The following THSD4 variants were observed in gnomAD, a reference collection of about 807,000 sequenced individuals.
THSD4 encodes the protein thrombospondin type-1 domain-containing protein 4.
THSD4 carries 69 observed loss-of-function variants against 119.0 expected under a neutral mutation model. The observed-to-expected ratio is 0.58, with a 90% CI of 0.48 to 0.71. The LOEUF is 0.71. THSD4 is among the 30% of genes least tolerant of loss of function. THSD4 has a pLI of 0.00. For synonymous variants in THSD4, 524 were observed against 540.4 expected, an observed-to-expected ratio of 0.97 and a Z score of 0.42; for missense variants, 1,393 against 1,391.1, an observed-to-expected ratio of 1.00 and a Z score of -0.02.
intron 8 of THSD4, among the ~76,000 whole-genome samples, chr15:71,727,587 TACACACACACAC>T (rs367823728): frequency 7.5e-4 from 7 of 9,276 alleles, no homozygotes; most frequent in Admixed American, 1.5e-3. Context: ...TATATATATA[TACACACACACAC>T]ACACACACAC....
intron 6 of THSD4, among the ~76,000 whole-genome samples, chr15:71,326,692 AAAAAAAAAATATAT>A (rs1423745480): frequency 7.4e-5 from 1 of 13,528 alleles, no homozygotes; most frequent in African/African-American, 1.8e-4. Context: ...AAAAAAAAAA[AAAAAAAAAATATAT>A]ATATATATAT....
chr15:71,739,550 A>G (rs2053195108), intron 11 of THSD4, among the ~76,000 whole-genome samples: 1 of 152,246 alleles, frequency 6.6e-6, no homozygotes, highest in South Asian at 2.1e-4. Flanking sequence ...CTGACATTCC[A>G]TACCAGATTG....
At chr15:71,699,578 GA>G (rs2052242845) in intron 8 of THSD4, among the ~76,000 whole-genome samples, 1 of 152,152 alleles carries the variant, frequency 6.6e-6, no homozygotes, top group African/African-American at 2.4e-5. Flanking sequence ...ATCCAAACCT[GA>G]GTCCATGCTG....
chr15:71,565,653 A>G (rs998380872), intron 7 of THSD4, among the ~76,000 whole-genome samples: 1 of 152,170 alleles, frequency 6.6e-6, no homozygotes, highest in Admixed American at 6.5e-5. Flanking sequence ...TATCCCTCTG[A>G]TTTCTGCTCC....
intron 6 of THSD4, among the ~76,000 whole-genome samples, chr15:71,314,399 T>C (rs2045157239): frequency 1.3e-5 from 2 of 152,138 alleles, no homozygotes; most frequent in Admixed American, 1.3e-4. Flanking sequence ...CTCTGACTCC[T>C]GGGTCCAAGC....
chr15:71,539,733 T>C (rs1212309949), intron 7 of THSD4, among the ~76,000 whole-genome samples: 1 of 152,204 alleles, frequency 6.6e-6, no homozygotes, highest in Non-Finnish European at 1.5e-5. Context: ...AGATGAACCA[T>C]TAGAAGACCT....
intron 3 of THSD4, among the ~76,000 whole-genome samples, chr15:71,168,355 A>C (rs371635390): frequency 1.2e-4 from 18 of 152,232 alleles, no homozygotes; most frequent in African/African-American, 4.1e-4. Context: ...GTATGCAGGA[A>C]AGATTGTGAG....
intron 4 of THSD4, 147 bp downstream of exon 4, chr15:71,215,546 C>G (rs2043926008): frequency 1.2e-6 from 1 of 851,560 alleles, no homozygotes; most frequent in Non-Finnish European, 1.7e-6. Flanking sequence ...CTGGGCTCCA[C>G]GAAGCTCCTT....
At position 71,139,391 on chromosome 15, in the gene THSD4, A is replaced by G. The variant is rs148248692; in HGVS notation, c.-79-2058A>G. Among the ~76,000 whole-genome samples the G allele has an allele frequency of 6.0e-3, 919 of 152,294 alleles. 12 individuals are homozygous for G. The highest frequency in any genetic ancestry group is 8.9e-3 in the Non-Finnish European group (603 of 68,026). ...TTGGCAAAGACTTCATTTGACTTCCAAGTTAAATCCCCTGACTTGGTGCAG... is the reference window on the plus strand; with the variant it reads ...TTGGCAAAGACTTCATTTGACTTCCGAGTTAAATCCCCTGACTTGGTGCAG... On this transcript the variant is annotated intron_variant, in intron 1 of 17. Coordinates refer to ENST00000261862, the MANE Select transcript of THSD4 (RefSeq NM_024817.3).
intron 1 of THSD4, among the ~76,000 whole-genome samples, chr15:71,121,964 T>C (rs2040412495): frequency 6.6e-6 from 1 of 152,032 alleles, no homozygotes. Flanking sequence ...GGGAATCATG[T>C]AGGGGAGTTT....
At chr15:71,671,265 G>C (rs1049910238) in intron 8 of THSD4, among the ~76,000 whole-genome samples, 4 of 152,138 alleles carry the variant, frequency 2.6e-5, no homozygotes, top group African/African-American at 9.7e-5. Context: ...TGTGTCTGTT[G>C]GCTGCATAAA....
At chr15:71,282,760 T>C (rs2044668492) in intron 6 of THSD4, among the ~76,000 whole-genome samples, 1 of 152,176 alleles carries the variant, frequency 6.6e-6, no homozygotes, top group Non-Finnish European at 1.5e-5. Flanking sequence ...ACCAGATCCA[T>C]GAAGGCATCC....
chr15:71,146,575 A>G (rs942624194), intron 2 of THSD4, among the ~76,000 whole-genome samples: 4 of 151,394 alleles, frequency 2.6e-5, no homozygotes, highest in African/African-American at 4.9e-5. Context: ...TTTGTGTACT[A>G]TTTGAATACT....
intron 6 of THSD4, among the ~76,000 whole-genome samples, chr15:71,393,820 GCCT>G (rs1281351331): frequency 3.9e-5 from 6 of 152,178 alleles, no homozygotes; most frequent in Non-Finnish European, 7.3e-5. Flanking sequence ...GCCTTCCGGA[GCCT>G]CCTATTCTCA....
chr15:71,758,639 A>G (rs2053583345), intron 15 of THSD4, among the ~76,000 whole-genome samples: 1 of 152,214 alleles, frequency 6.6e-6, no homozygotes, highest in African/African-American at 2.4e-5. Flanking sequence ...GAACCCCACT[A>G]AGAAAATGTG....
intron 7 of THSD4, among the ~76,000 whole-genome samples, chr15:71,634,793 C>T (rs930897109): frequency 2.6e-5 from 4 of 152,214 alleles, no homozygotes; most frequent in African/African-American, 7.2e-5. Flanking sequence ...GTACGCCTTA[C>T]GCATACCTAT....
chr15:71,754,797 A>G (rs1307856491), intron 14 of THSD4, among the ~76,000 whole-genome samples: 1 of 148,990 alleles, frequency 6.7e-6, no homozygotes, highest in Admixed American at 6.9e-5. Flanking sequence ...GGGGCTTCAT[A>G]GGAAAGAAGT....
At chr15:71,637,453 G>A (rs2050766732) in intron 7 of THSD4, among the ~76,000 whole-genome samples, 1 of 152,174 alleles carries the variant, frequency 6.6e-6, no homozygotes, top group Non-Finnish European at 1.5e-5. Flanking sequence ...GAAGGCAGTG[G>A]CAGAGAATAG....
intron 6 of THSD4, among the ~76,000 whole-genome samples, chr15:71,382,862 A>G (rs7164040): frequency 0.48 from 73,717 of 152,024 alleles, 18,705 homozygotes; most frequent in East Asian, 0.69. Flanking sequence ...AAGTATATAT[A>G]CTCTAAACCT....
Sources: gnomAD v4.1 joint callset for allele counts (sites outside exome capture counted in the v4.1 genomes callset) on GRCh38, gnomAD v4.1.1 for gene constraint, MANE v1.5 for transcripts, NCBI Gene and HGNC (gene_info 2026-07-23, HGNC 2026-07-21) for gene names.